RBFOX1: variants seen among roughly 807,000 people sequenced by gnomAD.
RBFOX1 encodes the protein RNA binding fox-1 homolog 1.
RBFOX1 carries 8 observed loss-of-function variants against 57.7 expected under a neutral mutation model. The observed-to-expected ratio is 0.14, with a 90% CI of 0.08 to 0.25. RBFOX1 has a LOEUF of 0.25. RBFOX1 is among the 10% of genes least tolerant of loss of function. RBFOX1 has a pLI of 1.00. For missense variants in RBFOX1, 611 were observed against 548.5 expected, an observed-to-expected ratio of 1.11 and a Z score of -1.14; for synonymous variants, 326 against 222.4, an observed-to-expected ratio of 1.47 and a Z score of -4.15.
intron 2 of RBFOX1, among the ~76,000 whole-genome samples, chr16:6,508,205 G>T (rs1190647318): frequency 6.6e-6 from 1 of 152,084 alleles, no homozygotes; most frequent in Non-Finnish European, 1.5e-5. Context: ...ACATCCTGGG[G>T]CCTTTTGGAG....
At chr16:5,384,986 CT>C (rs1596774542) in intron 1 of RBFOX1, among the ~76,000 whole-genome samples, 1 of 152,232 alleles carries the variant, frequency 6.6e-6, no homozygotes, top group Non-Finnish European at 1.5e-5. Flanking sequence ...TTACTGCAAT[CT>C]TTCCCCCTCA....
At chr16:5,544,080 T>C (rs2151066837) in intron 2 of RBFOX1, among the ~76,000 whole-genome samples, 1 of 152,222 alleles carries the variant, frequency 6.6e-6, no homozygotes, top group East Asian at 1.9e-4. Flanking sequence ...AACTGAAGCT[T>C]ACAGAGCCCA....
chr16:6,972,608 G>C (rs182023884), intron 3 of RBFOX1, among the ~76,000 whole-genome samples: 12 of 152,186 alleles, frequency 7.9e-5, no homozygotes, highest in African/African-American at 2.6e-4. Context: ...GAGAAGTGGA[G>C]ACATTGATGA....
intron 12 of RBFOX1, 100 bp downstream of exon 12, chr16:7,654,047 C>T (rs759089706): frequency 1.3e-4 from 171 of 1,277,884 alleles, no homozygotes; most frequent in Non-Finnish European, 1.7e-4. Context: ...GACTCCCCCT[C>T]CGCCACCCCC....
intron 4 of RBFOX1, among the ~76,000 whole-genome samples, chr16:7,205,632 G>C (rs956879828): frequency 6.6e-6 from 1 of 152,056 alleles, no homozygotes; most frequent in Non-Finnish European, 1.5e-5. Flanking sequence ...TACAAAATAC[G>C]ATACATTTTA....
At chr16:6,393,887 C>G (rs1187283708) in intron 2 of RBFOX1, among the ~76,000 whole-genome samples, 1 of 152,166 alleles carries the variant, frequency 6.6e-6, no homozygotes, top group Non-Finnish European at 1.5e-5. Context: ...AAAACCAGCC[C>G]TGTCCCAGGC....
intron 3 of RBFOX1, among the ~76,000 whole-genome samples, chr16:6,666,394 G>C (rs1217742782): frequency 6.6e-6 from 1 of 152,116 alleles, no homozygotes; most frequent in African/African-American, 2.4e-5. Flanking sequence ...ATGTATCCAG[G>C]TGTGGTGGTG....
Position 7,383,267 on chromosome 16 carries a change from TA to T in RBFOX1, c.28-134866del, listed in dbSNP as rs201018914. On this transcript the variant is annotated intron_variant, in intron 4 of 15. Coordinates refer to ENST00000550418, the MANE Select transcript of RBFOX1 (RefSeq NM_018723.4). ...ACACCTACTACGTACCCATAAAAAT[TA>T]AAAAAAAAAAAAACGTAAAATGCAA... Among the ~76,000 whole-genome samples, 730 of 134,574 alleles carry T rather than the reference TA, an allele frequency of 5.4e-3. 5 individuals carry two copies. The highest frequency in any genetic ancestry group is 0.038 in the Middle Eastern group (10 of 262). 88.3% of individuals were successfully genotyped at this position (134,574 alleles called of 152,430 possible). A position where few individuals can be genotyped will look rare whatever the true frequency, so the allele number is the denominator to read the frequency against.
intron 4 of RBFOX1, among the ~76,000 whole-genome samples, chr16:5,934,094 A>G (rs781274166): frequency 4.6e-5 from 7 of 152,200 alleles, no homozygotes; most frequent in Non-Finnish European, 1.0e-4. Flanking sequence ...CTCCAGCCCC[A>G]TCCATGTTCC....
intron 4 of RBFOX1, among the ~76,000 whole-genome samples, chr16:7,093,333 C>G (rs1337209471): frequency 6.6e-6 from 1 of 152,148 alleles, no homozygotes; most frequent in East Asian, 1.9e-4. Context: ...TCTGTGTCAC[C>G]AGGAGATAGT....
chr16:7,470,255 A>C (rs1021264666), intron 4 of RBFOX1, among the ~76,000 whole-genome samples: 8 of 152,198 alleles, frequency 5.3e-5, no homozygotes, highest in African/African-American at 1.4e-4. Flanking sequence ...TCTGCCTCTC[A>C]CACTAGACTT....
intron 4 of RBFOX1, among the ~76,000 whole-genome samples, chr16:7,215,700 A>G (rs931185260): frequency 5.4e-5 from 8 of 148,632 alleles, no homozygotes; most frequent in Admixed American, 2.0e-4. Context: ...TCTATTTTCT[A>G]TCTCTAAGAA....
At chr16:5,731,018 T>C (rs761639625) in intron 3 of RBFOX1, among the ~76,000 whole-genome samples, 1 of 148,166 alleles carries the variant, frequency 6.7e-6, no homozygotes, top group Non-Finnish European at 1.5e-5. Flanking sequence ...TTATCACCAA[T>C]GTAACCGTCA....
chr16:6,467,297 C>T (rs2095071817), intron 2 of RBFOX1, among the ~76,000 whole-genome samples: 1 of 151,308 alleles, frequency 6.6e-6, no homozygotes, highest in Non-Finnish European at 1.5e-5. Context: ...AATTGAATTC[C>T]ATTAATATGT....
chr16:7,316,556 C>T (rs146866227), intron 4 of RBFOX1, among the ~76,000 whole-genome samples: 4 of 152,300 alleles, frequency 2.6e-5, no homozygotes, highest in Non-Finnish European at 5.9e-5. Context: ...GAAAGCAGGT[C>T]TGCTTTTCTT....
intron 2 of RBFOX1, among the ~76,000 whole-genome samples, chr16:6,530,793 A>C (rs1442560930): frequency 6.6e-6 from 1 of 151,840 alleles, no homozygotes; most frequent in Non-Finnish European, 1.5e-5. Flanking sequence ...ACTATCACTA[A>C]AACAGCACGG....
chr16:7,681,234 G>C (rs2074652328), intron 14 of RBFOX1, among the ~76,000 whole-genome samples: 2 of 152,102 alleles, frequency 1.3e-5, no homozygotes, highest in Non-Finnish European at 2.9e-5. Context: ...GTGAAGGATG[G>C]GTAGATGGAT....
At chr16:5,443,896 A>G (rs2151546153) in intron 1 of RBFOX1, among the ~76,000 whole-genome samples, 1 of 152,130 alleles carries the variant, frequency 6.6e-6, no homozygotes, top group South Asian at 2.1e-4. Context: ...CTGGCATCTT[A>G]TTTGCCGAGG....
At chr16:6,948,349 C>T (rs541674130) in intron 3 of RBFOX1, among the ~76,000 whole-genome samples, 1 of 142,074 alleles carries the variant, frequency 7.0e-6, no homozygotes, top group Non-Finnish European at 1.5e-5. Flanking sequence ...CATCTTTCTG[C>T]TACATGTCCT....
Sources: allele counts gnomAD v4.1 joint callset (sites outside exome capture counted in the v4.1 genomes callset), GRCh38; gene constraint gnomAD v4.1.1; transcripts MANE v1.5; gene names NCBI Gene and HGNC (gene_info 2026-07-23, HGNC 2026-07-21).